LGR6: variants seen among roughly 807,000 people sequenced by gnomAD.
The protein encoded by LGR6 is leucine rich repeat containing G protein-coupled receptor 6.
A neutral mutation model predicts 69.4 loss-of-function variants in LGR6; 45 were observed. That is an observed-to-expected ratio of 0.65 (90% CI 0.51 to 0.83). The LOEUF is 0.83. Among genes scored for constraint, LGR6 ranks in the 40% least tolerant of loss-of-function variants. The probability of loss-of-function intolerance (pLI) is 0.00; values close to 1 mark genes in which losing one functional copy is unlikely to be tolerated. For missense variants in LGR6, 1,108 were observed against 1,246.7 expected, an observed-to-expected ratio of 0.89 and a Z score of 1.68; for synonymous variants, 538 against 555.0, an observed-to-expected ratio of 0.97 and a Z score of 0.43.
chr1:202,223,027 G>A (rs893010028), intron 1 of LGR6, among the ~76,000 whole-genome samples: 6 of 150,816 alleles, frequency 4.0e-5, no homozygotes, highest in Non-Finnish European at 5.9e-5. Flanking sequence ...CTTGAGCCCC[G>A]GAGGCGAAGG....
Position 202,297,516 on chromosome 1 carries a change from A to G in LGR6, c.725A>G (p.Asn242Ser), listed in dbSNP as rs747780687. 6 of 1,613,796 alleles carry G rather than the reference A, an allele frequency of 3.7e-6. No homozygotes were observed. The highest frequency in any genetic ancestry group is 1.7e-5 in the Admixed American group (1 of 59,966). The change falls in exon 7 of 18, where the codon AAT becomes AGT. Residue 242 changes from asparagine (N) to serine (S), a missense_variant. Transcript: ENST00000367278. ...TCTGCTTTCTGTTCCAGAGACCTGAATTATAACAAGCTGCAGGAGTTCCCT... is the reference window on the plus strand; with the variant it reads ...TCTGCTTTCTGTTCCAGAGACCTGAGTTATAACAAGCTGCAGGAGTTCCCT... Reference protein sequence around the residue: ...GLHNLETLDLNYNKLQEFPVA... With the variant: ...GLHNLETLDLSYNKLQEFPVA...
Position 202,310,286 on chromosome 1 carries a change from AC to A in LGR6, c.1498del (p.Leu500PhefsTer85). On this transcript the variant is annotated frameshift_variant, in exon 16 of 18. Transcript: ENST00000367278. LOFTEE classifies it high-confidence loss of function. ...GCCTCTGGGCAGTGGGAGGCTGAAGACCTTCACCTTGATGATGAGGAGTCTT... is the reference window on the plus strand; with the variant it reads ...GCCTCTGGGCAGTGGGAGGCTGAAGACTTCACCTTGATGATGAGGAGTCTT... ...FKASGQWEAE[D>X]LHLDDEESSK... is the part of the protein sequence containing the mutation. 1 of 1,614,056 alleles carries A rather than the reference AC, an allele frequency of 6.2e-7. No individual in the cohort carries two copies. Among genetic ancestry groups the A allele is most frequent in the Non-Finnish European group, 8.5e-7 (1 of 1,179,996 alleles).
chr1:202,225,599 G>T, intron 2 of LGR6, 105 bp downstream of exon 2: 1 of 976,656 alleles, frequency 1.0e-6, no homozygotes, highest in Non-Finnish European at 1.6e-6. Context: ...AAAGGGGCTT[G>T]GGAAGCTAAG....
Position 202,297,458 on chromosome 1 carries a change from C to G in LGR6, c.717-50C>G, listed in dbSNP as rs754168615. 23 of 1,471,328 alleles carry G rather than the reference C, an allele frequency of 1.6e-5. No individual in the cohort carries two copies. The East Asian group carries it at 1.6e-4, about 10-fold the overall frequency. The allele number at this position is 1,471,328 out of a possible 1,614,324, so 91.1% of individuals were successfully genotyped here. A position where few individuals can be genotyped will look rare whatever the true frequency, so the allele number is the denominator to read the frequency against. On this transcript the variant is annotated intron_variant, in intron 6 of 17. Transcript: ENST00000367278. The stretch of plus-strand genomic sequence containing the variant: ...AGTTTCCATTTCTCAGGGACCCTGA[C>G]ATGCCCCATTAAGCCTTTGCCCTAA...
intron 17 of LGR6, among the ~76,000 whole-genome samples, chr1:202,316,611 A>G (rs1453404896): frequency 6.6e-6 from 1 of 152,232 alleles, no homozygotes; most frequent in African/African-American, 2.4e-5. Flanking sequence ...TATTTTTTAA[A>G]GACTGGACGG....
chr1:202,261,475 G>A (rs944000323), intron 4 of LGR6, among the ~76,000 whole-genome samples: 1 of 152,212 alleles, frequency 6.6e-6, no homozygotes, highest in African/African-American at 2.4e-5. Flanking sequence ...TCTTAATCCA[G>A]TCTATCATTG....
At chr1:202,219,872 TATTTA>T (rs1660032198) in intron 1 of LGR6, among the ~76,000 whole-genome samples, 1 of 152,138 alleles carries the variant, frequency 6.6e-6, no homozygotes, top group African/African-American at 2.4e-5. Context: ...TTTATTTATT[TATTTA>T]TTTTATTTAT....
At chr1:202,285,960 AC>A (rs1376346102) in intron 6 of LGR6, among the ~76,000 whole-genome samples, 3 of 152,098 alleles carry the variant, frequency 2.0e-5, no homozygotes, top group African/African-American at 7.2e-5. Flanking sequence ...GCAATCCTTG[AC>A]TTGTAGACCC....
chr1:202,220,274 GTGGCATGATCT>G (rs1288622151), intron 1 of LGR6, among the ~76,000 whole-genome samples: 1 of 151,902 alleles, frequency 6.6e-6, no homozygotes, highest in Admixed American at 6.6e-5. Context: ...TCGGAGTGCA[GTGGCATGATCT>G]TGGCTCCCTG....
chr1:202,269,141 A>G (rs1664900549), intron 4 of LGR6, among the ~76,000 whole-genome samples: 1 of 152,114 alleles, frequency 6.6e-6, no homozygotes, highest in Admixed American at 6.6e-5. Flanking sequence ...CCTGAGCTCA[A>G]GCAATCCTCC....
At chr1:202,276,200 G>A (rs1665537494) in intron 4 of LGR6, 106 bp from the exon 5 acceptor site, 1 of 833,282 alleles carries the variant, frequency 1.2e-6, no homozygotes, top group Non-Finnish European at 2.0e-6. Context: ...TTTAGTCCCA[G>A]GGAGCCTCAA....
At chr1:202,261,278 C>G (rs530395679) in intron 4 of LGR6, among the ~76,000 whole-genome samples, 4 of 146,472 alleles carry the variant, frequency 2.7e-5, no homozygotes, top group African/African-American at 7.6e-5. Flanking sequence ...GTTCCCCTTC[C>G]TGTGTCCATG....
chr1:202,277,198 A>G (rs796101112), intron 5 of LGR6, among the ~76,000 whole-genome samples: 6 of 152,352 alleles, frequency 3.9e-5, no homozygotes, highest in African/African-American at 9.6e-5. Context: ...CTGCAGGAAC[A>G]TGGCTTAGGA....
At chr1:202,237,337 C>T (rs1448848440) in intron 4 of LGR6, among the ~76,000 whole-genome samples, 1 of 152,254 alleles carries the variant, frequency 6.6e-6, no homozygotes, top group Non-Finnish European at 1.5e-5. Flanking sequence ...TTGCTCCCCA[C>T]CCGCAGGGGC....
chr1:202,310,308 G>A lies in LGR6; in HGVS notation c.1518G>A (p.Glu506=). The A allele has an allele frequency of 6.2e-7, 1 of 1,614,056 alleles. No homozygotes were observed. The highest frequency in any genetic ancestry group is 8.5e-7 in the Non-Finnish European group (1 of 1,180,010). The change falls in exon 16 of 18, where the codon GAG becomes GAA. Residue 506 remains glutamate (E), a synonymous_variant. Transcript: ENST00000367278. ...AAGACCTTCACCTTGATGATGAGGA[G>A]TCTTCAAAAAGGCCCCTGGGCCTCC... ...EAEDLHLDDE[E]SSKRPLGLLA... is the part of the protein sequence containing the mutation.
intron 4 of LGR6, among the ~76,000 whole-genome samples, chr1:202,272,454 G>A (rs1200557479): frequency 6.6e-6 from 1 of 152,104 alleles, no homozygotes; most frequent in Non-Finnish European, 1.5e-5. Context: ...CAAGTACCAG[G>A]AGCAGGGCAG....
chr1:202,264,116 A>G lies in LGR6; in HGVS notation c.429-12190A>G, dbSNP rs1300945611. Among the ~76,000 whole-genome samples the G allele has an allele frequency of 2.0e-5, 3 of 152,070 alleles. No homozygotes were observed. The East Asian group carries it at 5.8e-4, about 29-fold the overall frequency. ...GGGAGGGTTGAAACTATACAGGTAT[A>G]ACCTCTCCAGTTCTCATACTGGTCA... On this transcript the variant is annotated intron_variant, in intron 4 of 17. Transcript: ENST00000367278.
intron 4 of LGR6, among the ~76,000 whole-genome samples, chr1:202,258,015 A>G (rs1278862111): frequency 6.6e-6 from 1 of 152,084 alleles, no homozygotes; most frequent in Non-Finnish European, 1.5e-5. Context: ...TTGAGAGTAT[A>G]GGTTTTGCAC....
intron 4 of LGR6, among the ~76,000 whole-genome samples, chr1:202,251,458 A>G (rs923535388): frequency 5.3e-5 from 8 of 152,208 alleles, no homozygotes; most frequent in African/African-American, 1.9e-4. Flanking sequence ...ATTGAAGACT[A>G]CATAGGGGCA....
Sources: allele counts gnomAD v4.1 joint callset (sites outside exome capture counted in the v4.1 genomes callset), GRCh38; gene constraint gnomAD v4.1.1; transcripts MANE v1.5; gene names NCBI Gene and HGNC (gene_info 2026-07-23, HGNC 2026-07-21).